The following RHBG variants were observed in gnomAD, a reference collection of about 807,000 sequenced individuals.
RHBG encodes the protein Rh family B glycoprotein.
In RHBG, 39 loss-of-function variants were observed where a neutral mutation model predicts 40.1. The ratio of observed to expected loss-of-function variants is 0.97; its 90% confidence interval spans 0.75 to 1.27. RHBG has a LOEUF of 1.27. Ranked by LOEUF, RHBG falls within the 50% of genes most tolerant of loss-of-function variation. RHBG has a pLI of 0.00. For synonymous variants in RHBG, 237 were observed against 252.5 expected (o/e 0.94, Z 0.58); for missense variants, 549 against 588.1 (o/e 0.93, Z 0.69).
At chr1:156,381,668 C>A (rs557765853) in intron 5 of RHBG, 138 bp from the exon 6 acceptor site, 5 of 1,379,540 alleles carry the variant, frequency 3.6e-6, no homozygotes, top group Non-Finnish European at 3.9e-6. Context: ...GAATGGGAGG[C>A]GATATGGTAG....
At chr1:156,383,149 G>A (rs1439188263) in intron 8 of RHBG, among the ~76,000 whole-genome samples, 2 of 152,196 alleles carry the variant, frequency 1.3e-5, no homozygotes, top group Non-Finnish European at 2.9e-5. Context: ...CCACTAGAGG[G>A]AAGCCCAACC....
intron 5 of RHBG, 130 bp downstream of exon 5, chr1:156,381,643 G>A: frequency 2.2e-6 from 3 of 1,379,362 alleles, no homozygotes; most frequent in South Asian, 2.8e-5. Flanking sequence ...ATCTGTGCTG[G>A]TGGCTATGGG....
Position 156,384,759 on chromosome 1 carries a change from C to T in RHBG, c.1309-18C>T, listed in dbSNP as rs1667931116. 6.2e-7 allele frequency: 1 copy of T among 1,613,228 alleles called. No homozygotes were observed. The highest frequency in any genetic ancestry group is 2.2e-5 in the East Asian group (1 of 44,884). Reference sequence around the variant, plus strand: ...TCCTGGAGCTACCCTTTCACCTCTACCCACTCCTGCCTTCCAGGTGCCTGG... The same window carrying T: ...TCCTGGAGCTACCCTTTCACCTCTATCCACTCCTGCCTTCCAGGTGCCTGG... On this transcript the variant is annotated intron_variant, in intron 9 of 9. Coordinates refer to ENST00000537040, the MANE Select transcript of RHBG (RefSeq NM_020407.5).
chr1:156,379,674 C>T lies in RHBG; in HGVS notation c.673+1275C>T, dbSNP rs182386720. Among the ~76,000 whole-genome samples the T allele has an allele frequency of 3.0e-3, 454 of 152,294 alleles. 3 individuals are homozygous for T. The highest frequency in any genetic ancestry group is 0.01 in the African/African-American group (427 of 41,550). On this transcript the variant is annotated intron_variant, in intron 4 of 9. Coordinates refer to ENST00000537040, the MANE Select transcript of RHBG (RefSeq NM_020407.5). ...AATGAGGCCCCTTCCTGGATTCTCC[C>T]ACAAACGCTCCACCTACAGGATGCA...
chr1:156,382,984 T>A (rs1667770985), intron 8 of RHBG, 115 bp downstream of exon 8: 1 of 1,465,328 alleles, frequency 6.8e-7, no homozygotes, highest in East Asian at 2.3e-5. Flanking sequence ...AAGTAGGGAT[T>A]GGGTTGTGGG....
In RHBG at chr1:156,381,381, C is replaced by T. The variant is rs1186015071; in HGVS notation, c.708C>T (p.Phe236=). The T allele has an allele frequency of 6.2e-7, 1 of 1,614,178 alleles. No homozygotes were observed. The highest frequency in any genetic ancestry group is 2.2e-5 in the East Asian group (1 of 44,880). ...TIFLWIFWPS[F]NAALTALGAG... Reference sequence around the variant, plus strand: ...TCCTGTGGATCTTCTGGCCTAGCTTCAATGCTGCACTCACAGCGCTGGGGG... The same window carrying T: ...TCCTGTGGATCTTCTGGCCTAGCTTTAATGCTGCACTCACAGCGCTGGGGG... The change falls in exon 5 of 10, where the codon TTC becomes TTT. Residue 236 remains phenylalanine (F), a synonymous_variant. Coordinates refer to ENST00000537040, the MANE Select transcript of RHBG (RefSeq NM_020407.5).
At position 156,378,288 on chromosome 1, in the gene RHBG, T is replaced by C. The variant is rs1667373058; in HGVS notation, c.562T>C (p.Phe188Leu). The change falls in exon 4 of 10, where the codon TTT becomes CTT. Residue 188 changes from phenylalanine (F) to leucine (L), a missense_variant. Physicochemically the swap from Phe to Leu is conservative, Grantham distance 22. Coordinates refer to ENST00000537040, the MANE Select transcript of RHBG (RefSeq NM_020407.5). Reference sequence around the variant, plus strand: ...CGGAGGCTCCATGACTATCCACACCTTTGGTGCCTACTTCGGGCTCGTCCT... The same window carrying C: ...CGGAGGCTCCATGACTATCCACACCCTTGGTGCCTACTTCGGGCTCGTCCT... ...DAGGSMTIHT[F>L]GAYFGLVLSR... 2.5e-6 allele frequency: 4 copies of C among 1,613,926 alleles called. No homozygotes were observed. Among genetic ancestry groups the C allele is most frequent in the African/African-American group, 1.3e-5 (1 of 74,916 alleles).
Position 156,381,375 on chromosome 1 carries a change from T to C in RHBG, c.702T>C (p.Pro234=). Residue 234 remains proline, a synonymous_variant, in exon 5 of 10, where the codon CCT becomes CCC. Transcript: ENST00000537040. ...CCATCTTCCTGTGGATCTTCTGGCC[T>C]AGCTTCAATGCTGCACTCACAGCGC... ...IGTIFLWIFW[P]SFNAALTALG... The C allele has an allele frequency of 6.2e-7, 1 of 1,614,202 alleles. No homozygotes were observed.
intron 1 of RHBG, chr1:156,371,374 G>T: frequency 3.3e-6 from 1 of 302,968 alleles, no homozygotes. Context: ...TGGCCAGGCT[G>T]GTCTTGAATT....
At chr1:156,373,312 G>A (rs772380989) in intron 1 of RHBG, among the ~76,000 whole-genome samples, 4 of 152,116 alleles carry the variant, frequency 2.6e-5, no homozygotes, top group Non-Finnish European at 5.9e-5. Context: ...TGTGGTCCTA[G>A]CTACTCTAGA....
rs542757178 is a variant in RHBG, at chr1:156,378,058, G to A, written c.443G>A (p.Gly148Glu). The A allele has an allele frequency of 2.5e-6, 4 of 1,603,904 alleles. No homozygotes were observed. The African/African-American group carries it at 5.3e-5, about 21-fold the overall frequency. The change falls in exon 3 of 10, where the codon GGG becomes GAG. Residue 148 changes from glycine (G) to glutamate (E), a missense_variant. Around this residue, in one of 3 missense-constraint regions of RHBG, gnomAD observed 399 missense variants for 417.0 expected, o/e 0.96. Transcript: ENST00000537040. Reference sequence around the variant, plus strand: ...TTTGGTGCCGTCCTGGGCAAGACCGGGCCTACCCAGCTGCTGCTCATGGCC... The same window carrying A: ...TTTGGTGCCGTCCTGGGCAAGACCGAGCCTACCCAGCTGCTGCTCATGGCC... ...ISFGAVLGKT[G>E]PTQLLLMALL...
chr1:156,369,791 T>C lies in RHBG; in HGVS notation c.187+355T>C, dbSNP rs74609238. Among the ~76,000 whole-genome samples the C allele has an allele frequency of 0.013, 2,052 of 152,274 alleles. 117 individuals carry two copies. The East Asian group carries it at 0.17, about 13-fold the overall frequency. ...ACCATCCTCTTGTCCCACATCTCAG[T>C]TGGCCTAATTGGGCTTTGCTGGGCT... On this transcript the variant is annotated intron_variant, in intron 1 of 9. Coordinates refer to ENST00000537040, the MANE Select transcript of RHBG (RefSeq NM_020407.5).
rs774132018 is a variant in RHBG at position 156,382,860 on chromosome 1, G to A, written c.1225G>A (p.Gly409Ser). The change falls in exon 8 of 10, where the codon GGC (glycine) becomes AGC (serine). Residue 409 changes from glycine to serine, a missense_variant. Gly to Ser is a moderately conservative substitution (Grantham distance 56). Coordinates refer to ENST00000537040, the MANE Select transcript of RHBG (RefSeq NM_020407.5). Reference sequence around the variant, plus strand: ...ACTGATGTTTGCCTCTGTGGGCGGGGGCCTTGGAGGTGAGTAACCTTGGAT... The same window carrying A: ...ACTGATGTTTGCCTCTGTGGGCGGGAGCCTTGGAGGTGAGTAACCTTGGAT... ...VTLMFASVGGGLGGLLLKLPF... is the reference protein window; with the variant it reads ...VTLMFASVGGSLGGLLLKLPF... The A allele has an allele frequency of 1.3e-5, 21 of 1,614,216 alleles. No individual in the cohort carries two copies. The Admixed American group carries it at 2.5e-4, about 19-fold the overall frequency.
rs139786238 is a variant in RHBG, at chr1:156,370,231, G to A, written c.187+795G>A. On this transcript the variant is annotated intron_variant, in intron 1 of 9. Transcript: ENST00000537040. ...TGGGAGGCCAAGGTGGGTGGATCACGAGGTCAGGAGTTTGAGACCAGCCTA... is the reference window on the plus strand; with the variant it reads ...TGGGAGGCCAAGGTGGGTGGATCACAAGGTCAGGAGTTTGAGACCAGCCTA... 0.013 allele frequency among the ~76,000 whole-genome samples: 2,053 copies of A among 152,174 alleles called. 119 individuals carry two copies. In the East Asian group the frequency reaches 0.17, roughly 13 times the overall value.
At chr1:156,383,995 G>A (rs970576484) in intron 8 of RHBG, among the ~76,000 whole-genome samples, 12 of 151,178 alleles carry the variant, frequency 7.9e-5, no homozygotes, top group African/African-American at 1.5e-4. Flanking sequence ...CACCACACCC[G>A]GCTAATTTTT....
At position 156,382,867 on chromosome 1, in the gene RHBG, G is replaced by A. The variant is rs776725986; in HGVS notation, c.1232G>A (p.Gly411Glu). 6.2e-5 allele frequency: 100 copies of A among 1,614,122 alleles called. No individual in the cohort carries two copies. The highest frequency in any genetic ancestry group is 8.5e-5 in the Non-Finnish European group (100 of 1,180,048). The part of the protein sequence containing the change: ...LMFASVGGGL[G>E]GLLLKLPFLD... ...TTTGCCTCTGTGGGCGGGGGCCTTGGAGGTGAGTAACCTTGGATTTTCTAG... is the reference window on the plus strand; with the variant it reads ...TTTGCCTCTGTGGGCGGGGGCCTTGAAGGTGAGTAACCTTGGATTTTCTAG... The change falls in exon 8 of 10, where the codon GGA (glycine) becomes GAA (glutamate). Residue 411 changes from glycine (G) to glutamate (E), a missense_variant and splice_region_variant. Physicochemically the swap from Gly to Glu is moderately conservative, Grantham distance 98. Around this residue, in one of 3 missense-constraint regions of RHBG, gnomAD observed 399 missense variants for 417.0 expected, o/e 0.96. Coordinates refer to ENST00000537040, the MANE Select transcript of RHBG (RefSeq NM_020407.5).
intron 1 of RHBG, 150 bp downstream of exon 1, chr1:156,369,586 C>G: frequency 2.4e-6 from 2 of 823,600 alleles, no homozygotes; most frequent in Non-Finnish European, 3.7e-6. Flanking sequence ...AAAATCTCAC[C>G]CTTTCACTAG....
chr1:156,384,498 C>A, intron 8 of RHBG, 29 bp from the exon 9 acceptor site: 2 of 1,604,998 alleles, frequency 1.2e-6, no homozygotes, highest in Admixed American at 1.7e-5. Flanking sequence ...GGCAGAGAAG[C>A]CTCACAGATC....
At chr1:156,376,155 A>C (rs1188390301) in intron 1 of RHBG, among the ~76,000 whole-genome samples, 2 of 152,186 alleles carry the variant, frequency 1.3e-5, no homozygotes, top group Non-Finnish European at 2.9e-5. Flanking sequence ...ACTCTTTAAA[A>C]ATTTCAAGTA....
Sources: gnomAD v4.1 joint callset for allele counts (sites outside exome capture counted in the v4.1 genomes callset) on GRCh38, gnomAD v4.1.1 for gene constraint, gnomAD v4.1.1 regional missense constraint, MANE v1.5 for transcripts, NCBI Gene and HGNC (gene_info 2026-07-23, HGNC 2026-07-21) for gene names.